Variants in ATP2C2 observed in about 807,000 individuals in gnomAD.
ATP2C2 encodes ATPase secretory pathway Ca2+ transporting 2.
In ATP2C2, 171 loss-of-function variants were observed where a neutral mutation model predicts 110.8. The ratio of observed to expected loss-of-function variants is 1.54; its 90% CI spans 1.36 to 1.75. The LOEUF is 1.75. ATP2C2 is among the 40% of genes most tolerant of loss of function. The pLI is 0.00. For missense variants in ATP2C2, 1,963 were observed against 1,235.0 expected (o/e 1.59, Z -8.84); for synonymous variants, 804 against 508.4 (o/e 1.58, Z -7.82).
chr16:84,454,950 A>C lies in ATP2C2; in HGVS notation c.2113A>C (p.Met705Leu). 1 of 1,613,684 alleles carries C rather than the reference A, an allele frequency of 6.2e-7. No individual in the cohort carries two copies. Among genetic ancestry groups the C allele is most frequent in the Non-Finnish European group, 8.5e-7 (1 of 1,179,886 alleles). Residue 705 changes from methionine (M) to leucine (L), a missense_variant, in exon 21 of 27, where the codon ATG becomes CTG. Transcript: ENST00000262429. Reference protein sequence around the residue: ...GTDVSKEAANMILVDDDFSAI... With the variant: ...GTDVSKEAANLILVDDDFSAI... ...GGACGTCAGCAAAGAGGCCGCCAAC[A>C]TGATCCTGGTGGATGATGACTTCTC...
chr16:84,417,031 A>G (rs902661904), intron 7 of ATP2C2, among the ~76,000 whole-genome samples: 2 of 152,104 alleles, frequency 1.3e-5, no homozygotes, highest in Non-Finnish European at 2.9e-5. Flanking sequence ...GTGGCCAATG[A>G]CCTGGGGTTG....
intron 14 of ATP2C2, among the ~76,000 whole-genome samples, chr16:84,441,860 T>C (rs1004783862): frequency 2.6e-5 from 4 of 152,064 alleles, no homozygotes; most frequent in African/African-American, 9.7e-5. Flanking sequence ...GAGGCAGAGG[T>C]TGCAGTGAGC....
chr16:84,425,917 G>T, intron 11 of ATP2C2, 116 bp downstream of exon 11: 2 of 1,283,156 alleles, frequency 1.6e-6, no homozygotes, highest in African/African-American at 1.5e-5. Flanking sequence ...GGAAGGTGCA[G>T]CCCCGTCACC....
At chr16:84,444,175 A>C (rs1909531245) in intron 15 of ATP2C2, among the ~76,000 whole-genome samples, 2 of 151,232 alleles carry the variant, frequency 1.3e-5, no homozygotes, top group South Asian at 2.1e-4. Context: ...AAAAAAAAAA[A>C]AAAAAAAAAC....
intron 21 of ATP2C2, among the ~76,000 whole-genome samples, chr16:84,458,507 AAT>A (rs1436747157): frequency 3.1e-4 from 3 of 9,542 alleles, no homozygotes; most frequent in East Asian, 2.8e-3. Context: ...AAAAAAAAAA[AAT>A]TTAAATAAAA....
At chr16:84,451,577 C>G (rs1567737917) in intron 17 of ATP2C2, among the ~76,000 whole-genome samples, 1 of 152,202 alleles carries the variant, frequency 6.6e-6, no homozygotes, top group East Asian at 1.9e-4. Flanking sequence ...TTGCCTCACA[C>G]CTGTAATCCC....
In ATP2C2 at chr16:84,462,073, T is replaced by C. The variant is rs751386543; in HGVS notation, c.2666T>C (p.Val889Ala). The C allele has an allele frequency of 6.2e-7, 1 of 1,613,884 alleles. No individual in the cohort carries two copies. Among genetic ancestry groups the C allele is most frequent in the Non-Finnish European group, 8.5e-7 (1 of 1,179,930 alleles). Residue 889 changes from valine (V) to alanine (A), a missense_variant, in exon 26 of 27, where the codon GTC (valine) becomes GCC (alanine). Coordinates refer to ENST00000262429, the MANE Select transcript of ATP2C2 (RefSeq NM_014861.4). ...GGGTCCATCCTGGGGCAGCTGGCGG[T>C]CATTTACATCCCCCCGCTGCAGAGG... ...VLGSILGQLA[V>A]IYIPPLQRVF...
intron 1 of ATP2C2, among the ~76,000 whole-genome samples, chr16:84,393,402 C>G (rs13330650): frequency 0.26 from 39,381 of 151,820 alleles, 5,631 homozygotes; most frequent in African/African-American, 0.38. Flanking sequence ...TGTTTCCTGA[C>G]TGTCACGAGA....
chr16:84,377,456 C>T (rs1313011424), intron 1 of ATP2C2, among the ~76,000 whole-genome samples: 2 of 152,052 alleles, frequency 1.3e-5, no homozygotes, highest in African/African-American at 4.8e-5. Context: ...TTCTGGAGGC[C>T]AGAACTCCAA....
At chr16:84,406,750 G>A (rs1213932249) in intron 3 of ATP2C2, 6 of 653,932 alleles carry the variant, frequency 9.2e-6, no homozygotes, top group Non-Finnish European at 9.5e-6. Context: ...GAAGGAGGCC[G>A]AGACATGGGC....
rs116495083 is a variant in ATP2C2, at chr16:84,414,470, G to T, written c.516-1013G>T. Among the ~76,000 whole-genome samples, 721 of 152,292 alleles carry T rather than the reference G, an allele frequency of 4.7e-3. 4 individuals are homozygous for T. The highest frequency in any genetic ancestry group is 0.016 in the African/African-American group (680 of 41,556). ...AAGGCCCTATAGAAGAAGGGTGTGT[G>T]TGTGTGCGTGCACGCGCGTGTACAG... On this transcript the variant is annotated intron_variant, in intron 6 of 26. Coordinates refer to ENST00000262429, the MANE Select transcript of ATP2C2 (RefSeq NM_014861.4).
At position 84,422,693 on chromosome 16, in the gene ATP2C2, A is replaced by T. The variant is rs902845890; in HGVS notation, c.839A>T (p.Glu280Val). 2 of 1,611,994 alleles carry T rather than the reference A, an allele frequency of 1.2e-6. No homozygotes were observed. The highest frequency in any genetic ancestry group is 2.7e-5 in the African/African-American group (2 of 74,792). ...GAAGTGTTTAAGATGATGCAGGCTG[A>T]AGAGGTAAGGGGCAGGAGGGGGCTT... ...FGEVFKMMQA[E>V]ETPKTPLQKS... The change falls in exon 9 of 27, where the codon GAA (glutamate) becomes GTA (valine). Residue 280 changes from glutamate to valine, a missense_variant. Transcript: ENST00000262429.
intron 14 of ATP2C2, among the ~76,000 whole-genome samples, chr16:84,441,968 TAA>T (rs936191465): frequency 4.8e-5 from 7 of 147,318 alleles, no homozygotes; most frequent in South Asian, 4.4e-4. Flanking sequence ...CTAGTAATAA[TAA>T]AAAAGAAAAG....
intron 1 of ATP2C2, among the ~76,000 whole-genome samples, chr16:84,391,642 C>G (rs551252693): frequency 6.6e-6 from 1 of 152,292 alleles, no homozygotes; most frequent in Admixed American, 6.5e-5. Flanking sequence ...TGTCAGCCAC[C>G]GCCAGAAACT....
At chr16:84,408,357 G>A (rs1304374839) in intron 3 of ATP2C2, 48 bp from the exon 4 acceptor site, 2 of 1,556,796 alleles carry the variant, frequency 1.3e-6, no homozygotes, top group Non-Finnish European at 1.8e-6. Flanking sequence ...AACCCATTCT[G>A]GTCCCTGAGA....
At chr16:84,404,631 G>C (rs1305858108) in intron 2 of ATP2C2, 1 of 255,524 alleles carries the variant, frequency 3.9e-6, no homozygotes, top group South Asian at 4.6e-5. Context: ...CCTCCTTTTT[G>C]CTTTTGTGAA....
At chr16:84,444,616 G>A (rs770668668) in intron 15 of ATP2C2, among the ~76,000 whole-genome samples, 7 of 152,158 alleles carry the variant, frequency 4.6e-5, no homozygotes, top group Admixed American at 2.0e-4. Context: ...ACAACTCCTC[G>A]CCGCCCAGAA....
At chr16:84,455,113 G>A (rs930824217) in intron 21 of ATP2C2, 129 bp downstream of exon 21, 1 of 1,259,806 alleles carries the variant, frequency 7.9e-7, no homozygotes, top group Non-Finnish European at 1.1e-6. Context: ...TGAATCTCGG[G>A]GCTCGTCAGT....
chr16:84,461,745 C>G lies in ATP2C2; in HGVS notation c.2513C>G (p.Thr838Ser), dbSNP rs1389033525. The change falls in exon 25 of 27, where the codon ACC (threonine) becomes AGC (serine). Residue 838 changes from threonine to serine, a missense_variant. Coordinates refer to ENST00000262429, the MANE Select transcript of ATP2C2 (RefSeq NM_014861.4). ...MPEDRASTPRTTTMTFTCFVF... is the reference protein window; with the variant it reads ...MPEDRASTPRSTTMTFTCFVF... ...GAAGACAGAGCAAGCACTCCCCGCA[C>G]CACGACGATGACGTTCACTTGTTTT... is the stretch of plus-strand genomic sequence containing the variant. 1.9e-6 allele frequency: 3 copies of G among 1,614,206 alleles called. No homozygotes were observed. The South Asian group carries it at 3.3e-5, about 18-fold the overall frequency.
Sources: gnomAD v4.1 joint callset for allele counts (sites outside exome capture counted in the v4.1 genomes callset) on GRCh38, gnomAD v4.1.1 for gene constraint, MANE v1.5 for transcripts, NCBI Gene and HGNC (gene_info 2026-07-23, HGNC 2026-07-21) for gene names.